The following TDRP variants were observed in gnomAD, a reference collection of about 807,000 sequenced individuals.
TDRP encodes testis development-related protein.
In TDRP, 12 loss-of-function variants were observed where a neutral mutation model predicts 10.5. That is an observed-to-expected ratio of 1.15 (90% CI 0.73 to 1.86). The LOEUF (loss-of-function observed/expected upper bound fraction) is 1.86. TDRP is among the 40% of genes most tolerant of loss of function. TDRP has a pLI of 0.00. For missense variants in TDRP, 353 were observed against 229.2 expected, an observed-to-expected ratio of 1.54 and a Z score of -3.49; for synonymous variants, 139 against 95.4, an observed-to-expected ratio of 1.46 and a Z score of -2.67.
intron 1 of TDRP, among the ~76,000 whole-genome samples, chr8:534,203 G>A (rs1039599090): frequency 9.2e-5 from 14 of 152,106 alleles, no homozygotes; most frequent in African/African-American, 2.7e-4. Context: ...AACTTTACAC[G>A]AGTTATTTAA....
At chr8:535,272 C>G (rs1802315524) in intron 1 of TDRP, among the ~76,000 whole-genome samples, 1 of 152,142 alleles carries the variant, frequency 6.6e-6, no homozygotes, top group Non-Finnish European at 1.5e-5. Flanking sequence ...CTGCACCACC[C>G]TAGCTCATGG....
intron 1 of TDRP, among the ~76,000 whole-genome samples, chr8:516,169 G>A (rs1401945086): frequency 2.6e-5 from 4 of 152,192 alleles, no homozygotes; most frequent in Non-Finnish European, 2.9e-5. Flanking sequence ...ATGTGGTGGT[G>A]TGAATGGAGA....
At chr8:503,646 G>A (rs1041750104) in intron 1 of TDRP, among the ~76,000 whole-genome samples, 3 of 135,504 alleles carry the variant, frequency 2.2e-5, no homozygotes, top group Non-Finnish European at 3.1e-5. Flanking sequence ...CACACACACT[G>A]GAACCAATGC....
At chr8:506,865 C>T (rs1225687081) in intron 1 of TDRP, among the ~76,000 whole-genome samples, 2 of 152,166 alleles carry the variant, frequency 1.3e-5, no homozygotes. Flanking sequence ...GAAGCTTAAA[C>T]ATAAGGGAGC....
chr8:542,351 CACA>C (rs950543762), intron 1 of TDRP, among the ~76,000 whole-genome samples: 20 of 151,948 alleles, frequency 1.3e-4, no homozygotes, highest in African/African-American at 3.9e-4. Flanking sequence ...CCACAGAATG[CACA>C]ACGAGTGAGC....
intron 1 of TDRP, among the ~76,000 whole-genome samples, chr8:536,187 G>A (rs748480891): frequency 2.0e-5 from 3 of 152,166 alleles, no homozygotes; most frequent in Non-Finnish European, 4.4e-5. Flanking sequence ...ACCCTTCAGT[G>A]GCTTACTAAA....
chr8:523,587 C>T (rs957684421), intron 1 of TDRP, among the ~76,000 whole-genome samples: 1 of 152,172 alleles, frequency 6.6e-6, no homozygotes, highest in Admixed American at 6.5e-5. Context: ...AGGATATGTC[C>T]TAGGCCTTGC....
At chr8:519,037 C>T (rs989103707) in intron 1 of TDRP, among the ~76,000 whole-genome samples, 1 of 149,434 alleles carries the variant, frequency 6.7e-6, no homozygotes, top group African/African-American at 2.4e-5. Context: ...CTAGAACTTT[C>T]AGCCCCACAC....
At chr8:513,953 G>C (rs1222882795) in intron 1 of TDRP, among the ~76,000 whole-genome samples, 8 of 152,220 alleles carry the variant, frequency 5.3e-5, no homozygotes, top group Middle Eastern at 6.8e-3. Context: ...TAAATGATCT[G>C]AATAACTGGA....
intron 1 of TDRP, among the ~76,000 whole-genome samples, chr8:542,091 C>T (rs537855935): frequency 4.6e-5 from 7 of 152,112 alleles, no homozygotes; most frequent in Admixed American, 3.3e-4. Context: ...TAAAAAGAAA[C>T]GAGCTACAAG....
intron 1 of TDRP, among the ~76,000 whole-genome samples, chr8:542,207 T>C (rs1260755945): frequency 3.3e-5 from 5 of 152,112 alleles, no homozygotes; most frequent in Admixed American, 3.3e-4. Flanking sequence ...TCTGGAAAAC[T>C]ATGGCGACAG....
At chr8:540,178 G>C (rs908360114) in intron 1 of TDRP, among the ~76,000 whole-genome samples, 1 of 152,114 alleles carries the variant, frequency 6.6e-6, no homozygotes, top group African/African-American at 2.4e-5. Context: ...GTTAGAAGAC[G>C]GCTCAGCAAC....
rs1485166371 is a variant in TDRP, at chr8:492,750, G to T, written c.213-6C>A. The T allele has an allele frequency of 6.3e-7, 1 of 1,587,648 alleles. No individual in the cohort carries two copies. The highest frequency in any genetic ancestry group is 8.6e-7 in the Non-Finnish European group (1 of 1,165,126). ...CTTTTAATCGTAAGTTAGTTCTATA[G>T]GAGATGAAAGAGTTAGGTGTTGGTG... On this transcript the variant is annotated splice_region_variant and splice_polypyrimidine_tract_variant and intron_variant, in intron 2 of 2. Coordinates refer to ENST00000324079, the MANE Select transcript of TDRP (RefSeq NM_001384899.1).
At chr8:543,456 T>G (rs987455026) in intron 1 of TDRP, among the ~76,000 whole-genome samples, 1 of 152,198 alleles carries the variant, frequency 6.6e-6, no homozygotes, top group Admixed American at 6.5e-5. Flanking sequence ...CAATATTAGT[T>G]ATTTGTAGCT....
chr8:506,745 T>G (rs1345551495), intron 1 of TDRP, among the ~76,000 whole-genome samples: 5 of 152,276 alleles, frequency 3.3e-5, no homozygotes, highest in Admixed American at 2.6e-4. Flanking sequence ...ATGTCCCTGG[T>G]GGAGAAGCAG....
intron 1 of TDRP, among the ~76,000 whole-genome samples, chr8:510,481 A>G (rs1399978029): frequency 5.9e-5 from 9 of 152,234 alleles, no homozygotes; most frequent in Admixed American, 5.9e-4. Context: ...TGAAAGCTAC[A>G]AGAGAAAAAT....
chr8:512,436 A>C (rs1341619414), intron 1 of TDRP, among the ~76,000 whole-genome samples: 2 of 152,318 alleles, frequency 1.3e-5, no homozygotes, highest in East Asian at 3.9e-4. Flanking sequence ...CATCTCAACA[A>C]CAATAAAAAA....
intron 1 of TDRP, among the ~76,000 whole-genome samples, chr8:536,179 C>T (rs1210011024): frequency 6.6e-6 from 1 of 152,172 alleles, no homozygotes; most frequent in Non-Finnish European, 1.5e-5. Context: ...ATCATTCTAC[C>T]CTTCAGTGGC....
At chr8:510,106 T>C (rs1801573523) in intron 1 of TDRP, among the ~76,000 whole-genome samples, 1 of 152,190 alleles carries the variant, frequency 6.6e-6, no homozygotes, top group Non-Finnish European at 1.5e-5. Flanking sequence ...AGCCCGCCAG[T>C]GTGTTCACCA....
Sources: gnomAD v4.1 joint callset for allele counts (sites outside exome capture counted in the v4.1 genomes callset) on GRCh38, gnomAD v4.1.1 for gene constraint, MANE v1.5 for transcripts, NCBI Gene and HGNC (gene_info 2026-07-23, HGNC 2026-07-21) for gene names.